MYSM1: variants seen among roughly 807,000 people sequenced by gnomAD.
MYSM1 encodes deubiquitinase MYSM1.
In MYSM1, 51 loss-of-function variants were observed where a neutral mutation model predicts 116.0. The ratio of observed to expected loss-of-function variants is 0.44; its 90% CI spans 0.35 to 0.56. MYSM1 has a LOEUF of 0.56. Ranked by LOEUF, MYSM1 falls within the 20% of genes least tolerant of loss-of-function variation. The pLI, the probability that MYSM1 is intolerant of heterozygous loss-of-function variation, is 0.00. For missense variants in MYSM1, 900 were observed against 974.9 expected (o/e 0.92, Z 1.02); for synonymous variants, 313 against 315.2 (o/e 0.99, Z 0.07).
chr1:58,665,577 T>C lies in MYSM1; in HGVS notation c.2086A>G (p.Asn696Asp), dbSNP rs931868867. 1.3e-6 allele frequency: 2 copies of C among 1,592,088 alleles called. No individual in the cohort carries two copies. Among genetic ancestry groups the C allele is most frequent in the Non-Finnish European group, 1.7e-6 (2 of 1,160,206 alleles). Residue 696 changes from asparagine to aspartate, a missense_variant, in exon 17 of 20, where the codon AAT (asparagine) becomes GAT (aspartate). Coordinates refer to ENST00000472487, the MANE Select transcript of MYSM1 (RefSeq NM_001085487.3). ...KFIGMIVSPY[N>D]RNNPLPYSQI... Reference sequence around the variant, plus strand: ...GAATATGGTAAGGGATTATTTCGATTATAGGGACTAACAATCATCCCAATG... The same window carrying C: ...GAATATGGTAAGGGATTATTTCGATCATAGGGACTAACAATCATCCCAATG...
rs529549974 is a variant in MYSM1, at chr1:58,655,054, T to A, written c.*4943A>T. 6.6e-6 allele frequency: 1 copy of A among 152,074 alleles called. No homozygotes were observed. Among genetic ancestry groups the A allele is most frequent in the Admixed American group, 6.5e-5 (1 of 15,272 alleles). The allele number at this position is 152,074 out of a possible 1,614,324, so 9.4% of individuals were successfully genotyped here. A position where few individuals can be genotyped will look rare whatever the true frequency, so the allele number is the denominator to read the frequency against. ...AACACTGATAGCATTTGGAAAAAAA[T>A]AGCAACAAGTTTATCAATAACCATG... On this transcript the variant is annotated 3_prime_UTR_variant, in exon 20 of 20. Coordinates refer to ENST00000472487, the MANE Select transcript of MYSM1 (RefSeq NM_001085487.3).
At chr1:58,660,408 T>G (rs1644373562) in intron 19 of MYSM1, among the ~76,000 whole-genome samples, 1 of 152,138 alleles carries the variant, frequency 6.6e-6, no homozygotes, top group Admixed American at 6.6e-5. Flanking sequence ...ATTGTTTATG[T>G]GATGCTTTCT....
chr1:58,688,995 T>C (rs1644866657), intron 6 of MYSM1, 43 bp downstream of exon 6: 9 of 1,525,794 alleles, frequency 5.9e-6, no homozygotes, highest in Non-Finnish European at 8.1e-6. Flanking sequence ...CAATATTTGC[T>C]TCTAGAATTA....
At chr1:58,661,312 C>A (rs1644388191) in intron 18 of MYSM1, 85 bp from the exon 19 acceptor site, 2 of 1,328,590 alleles carry the variant, frequency 1.5e-6, no homozygotes, top group South Asian at 2.4e-5. Context: ...GGATGCCATA[C>A]ATCACAATTT....
At chr1:58,660,830 A>T (rs1024814106) in intron 19 of MYSM1, among the ~76,000 whole-genome samples, 1 of 152,118 alleles carries the variant, frequency 6.6e-6, no homozygotes. Context: ...TTATACCATC[A>T]TTCTTAAAAA....
chr1:58,679,750 G>A (rs1045666171), intron 8 of MYSM1, among the ~76,000 whole-genome samples: 5 of 152,122 alleles, frequency 3.3e-5, no homozygotes, highest in African/African-American at 9.7e-5. Context: ...TGAGTCAGCC[G>A]GGCGTGGTGG....
chr1:58,672,708 T>C (rs1472086971), intron 11 of MYSM1, among the ~76,000 whole-genome samples: 1 of 152,168 alleles, frequency 6.6e-6, no homozygotes. Context: ...CATCTCCATT[T>C]TGAGATTCTT....
chr1:58,666,626 A>T lies in MYSM1; in HGVS notation c.2031+412T>A, dbSNP rs192132274. Among the ~76,000 whole-genome samples, 881 of 141,558 alleles carry T rather than the reference A, an allele frequency of 6.2e-3. 3 individuals carry two copies. Among genetic ancestry groups the T allele is most frequent in the East Asian group, 0.019 (94 of 4,872 alleles). 92.9% of individuals were successfully genotyped at this position (141,558 alleles called of 152,430 possible). On this transcript the variant is annotated intron_variant, in intron 16 of 19. Transcript: ENST00000472487. Reference sequence around the variant, plus strand: ...GGTGGCTCATGCCTATAATCCCAGCACTTTTGGAGGCCGAGGCGGGCCAAT... The same window carrying T: ...GGTGGCTCATGCCTATAATCCCAGCTCTTTTGGAGGCCGAGGCGGGCCAAT...
intron 6 of MYSM1, among the ~76,000 whole-genome samples, chr1:58,685,774 A>C (rs1334204394): frequency 1.3e-5 from 2 of 152,202 alleles, no homozygotes; most frequent in Non-Finnish European, 2.9e-5. Context: ...TTAAATCACA[A>C]ATGAGGAAGT....
chr1:58,671,476 A>C (rs1242319196), intron 12 of MYSM1, among the ~76,000 whole-genome samples: 3 of 152,170 alleles, frequency 2.0e-5, no homozygotes, highest in Admixed American at 1.3e-4. Flanking sequence ...GGTGACCCTT[A>C]ATTTTAAAAG....
chr1:58,659,847 T>C lies in MYSM1; in HGVS notation c.*150A>G, dbSNP rs1239871649. ...GAAAACAAATTTGTATCTCTTCCTT[T>C]TCACATGATTTATGTGGCAAAGTTT... On this transcript the variant is annotated 3_prime_UTR_variant, in exon 20 of 20. Transcript: ENST00000472487. The C allele has an allele frequency of 1.8e-6, 1 of 565,886 alleles. No individual in the cohort carries two copies. Among genetic ancestry groups the C allele is most frequent in the African/African-American group, 2.0e-5 (1 of 51,216 alleles). The allele number at this position is 565,886 out of a possible 1,614,324, so 35.1% of individuals were successfully genotyped here.
At chr1:58,672,497 A>G (rs532252073) in intron 11 of MYSM1, among the ~76,000 whole-genome samples, 3 of 152,152 alleles carry the variant, frequency 2.0e-5, no homozygotes, top group Non-Finnish European at 4.4e-5. Flanking sequence ...ATTATTGTGA[A>G]GACTGAGTTA....
At chr1:58,662,751 G>T (rs1330749372) in intron 17 of MYSM1, among the ~76,000 whole-genome samples, 2 of 151,980 alleles carry the variant, frequency 1.3e-5, no homozygotes, top group African/African-American at 4.8e-5. Context: ...ATTTTTTCAG[G>T]TGTTTGGAAG....
At chr1:58,664,019 T>C (rs902463444) in intron 17 of MYSM1, among the ~76,000 whole-genome samples, 1 of 152,240 alleles carries the variant, frequency 6.6e-6, no homozygotes, top group African/African-American at 2.4e-5. Context: ...GTCCAGTTTT[T>C]TGGTAGTTTC....
chr1:58,680,091 G>T (rs1319524037), intron 8 of MYSM1, among the ~76,000 whole-genome samples: 1 of 150,786 alleles, frequency 6.6e-6, no homozygotes, highest in Non-Finnish European at 1.5e-5. Flanking sequence ...ACATTTTTGA[G>T]TTAGTTATGA....
chr1:58,697,641 G>A (rs972480841), intron 1 of MYSM1, among the ~76,000 whole-genome samples: 56 of 151,168 alleles, frequency 3.7e-4, no homozygotes, highest in Non-Finnish European at 1.2e-4. Flanking sequence ...CCAGGCTAGA[G>A]GGCAATGGCG....
At position 58,669,009 on chromosome 1, in the gene MYSM1, C is replaced by T; in HGVS notation, c.1691G>A (p.Cys564Tyr). 6.2e-7 allele frequency: 1 copy of T among 1,601,644 alleles called. No individual in the cohort carries two copies. The highest frequency in any genetic ancestry group is 2.2e-5 in the East Asian group (1 of 44,594). The change falls in exon 13 of 20, where the codon TGT becomes TAT. Residue 564 changes from cysteine (C) to tyrosine (Y), a missense_variant. By Grantham distance (194) the Cys-to-Tyr change is radical (BLOSUM62 -2). Around this residue, in one of 3 missense-constraint regions of MYSM1, gnomAD observed 92 missense variants for 155.0 expected, o/e 0.59. Transcript: ENST00000472487. The stretch of plus-strand genomic sequence containing the variant: ...CTGCTTTTCTTCACTAAAAAAATTA[C>T]AAGGTATCAGTTGGAAGGGATCAAA... ...SSFDPFQLIP[C>Y]NFFSEEKQEP...
Position 58,667,769 on chromosome 1 carries a change from T to C in MYSM1, c.1842+78A>G. ...GGTAAAGTCTGTATTTTAATTATAT[T>C]AACTGAATTCTATAAAAATATTTGG... On this transcript the variant is annotated intron_variant, in intron 15 of 19. Coordinates refer to ENST00000472487, the MANE Select transcript of MYSM1 (RefSeq NM_001085487.3). The C allele has an allele frequency of 4.7e-6, 4 of 852,820 alleles. No individual in the cohort carries two copies. In the Admixed American group the frequency reaches 5.7e-5, roughly 12 times the overall value. 52.8% of individuals were successfully genotyped at this position (852,820 alleles called of 1,614,324 possible). A position where few individuals can be genotyped will look rare whatever the true frequency, so the allele number is the denominator to read the frequency against.
intron 12 of MYSM1, among the ~76,000 whole-genome samples, chr1:58,669,380 A>C (rs1019252790): frequency 6.6e-6 from 1 of 152,236 alleles, no homozygotes; most frequent in African/African-American, 2.4e-5. Flanking sequence ...AGACCCAAAA[A>C]AAGGTTCAAG....
Sources: gnomAD v4.1 joint callset for allele counts (sites outside exome capture counted in the v4.1 genomes callset) on GRCh38, gnomAD v4.1.1 for gene constraint, gnomAD v4.1.1 regional missense constraint, MANE v1.5 for transcripts, NCBI Gene and HGNC (gene_info 2026-07-23, HGNC 2026-07-21) for gene names.